Variants in CYP39A1 observed in about 807,000 individuals in gnomAD.
CYP39A1 encodes cytochrome P450 family 39 subfamily A member 1, also known as 24-hydroxycholesterol 7-alpha-hydroxylase.
In CYP39A1, 49 loss-of-function variants were observed where a neutral mutation model predicts 58.1. That is an observed-to-expected ratio of 0.84 (90% CI 0.67 to 1.07). The LOEUF (loss-of-function observed/expected upper bound fraction) is 1.07, where lower values mean the gene tolerates loss of function less well. CYP39A1 is among the 50% of genes least tolerant of loss of function. The pLI is 0.00. For synonymous variants in CYP39A1, 209 were observed against 187.6 expected (o/e 1.11, Z -0.93); for missense variants, 531 against 539.4 (o/e 0.98, Z 0.16).
At chr6:46,569,286 G>T (rs1281877782) in intron 10 of CYP39A1, among the ~76,000 whole-genome samples, 1 of 151,916 alleles carries the variant, frequency 6.6e-6, no homozygotes, top group East Asian at 1.9e-4. Context: ...TGGGGGCAGT[G>T]GATTGTACAT....
At chr6:46,594,475 G>C (rs1197580436) in intron 8 of CYP39A1, among the ~76,000 whole-genome samples, 1 of 151,962 alleles carries the variant, frequency 6.6e-6, no homozygotes, top group Non-Finnish European at 1.5e-5. Context: ...TAGATCAATA[G>C]AACAGAATAG....
chr6:46,617,544 G>A (rs1173563032), intron 7 of CYP39A1, among the ~76,000 whole-genome samples: 1 of 152,034 alleles, frequency 6.6e-6, no homozygotes. Context: ...GAAGCAACTT[G>A]GAACAGAATA....
At chr6:46,637,770 G>A in intron 4 of CYP39A1, 59 bp downstream of exon 4, 1 of 1,538,026 alleles carries the variant, frequency 6.5e-7, no homozygotes, top group Non-Finnish European at 8.8e-7. Flanking sequence ...AAAAATGAGA[G>A]GTGTTGAATT....
chr6:46,553,794 A>G lies in CYP39A1; in HGVS notation c.1311T>C (p.Cys437=), dbSNP rs771611635. 3.1e-6 allele frequency: 5 copies of G among 1,611,196 alleles called. No homozygotes were observed. The highest frequency in any genetic ancestry group is 4.2e-6 in the Non-Finnish European group (5 of 1,178,004). The change falls in exon 11 of 12, where the codon TGT becomes TGC. Residue 437 remains cysteine, a synonymous_variant. Transcript: ENST00000275016. ...CIILILYKYD[C]SLLDPLPKQS... is the part of the protein sequence containing the mutation. ...GTTTGGGTAATGGGTCCAGAAGACTACAGTCATATTTATAAAGTATTAAAA... is the reference window on the plus strand; with the variant it reads ...GTTTGGGTAATGGGTCCAGAAGACTGCAGTCATATTTATAAAGTATTAAAA...
In CYP39A1 at chr6:46,637,768, G is replaced by A. The variant is rs543927763; in HGVS notation, c.638+61C>T. 5 of 1,536,804 alleles carry A rather than the reference G, an allele frequency of 3.3e-6. No homozygotes were observed. In the South Asian group the frequency reaches 4.8e-5, roughly 15 times the overall value. ...ACATCTACTTAGAACAGAAAAATGA[G>A]AGGTGTTGAATTGCTGAGATAAGCT... On this transcript the variant is annotated intron_variant, in intron 4 of 11. Coordinates refer to ENST00000275016, the MANE Select transcript of CYP39A1 (RefSeq NM_016593.5).
At chr6:46,585,173 T>C (rs1012053364) in intron 10 of CYP39A1, among the ~76,000 whole-genome samples, 1 of 152,146 alleles carries the variant, frequency 6.6e-6, no homozygotes, top group African/African-American at 2.4e-5. Flanking sequence ...AAGGTAGTAA[T>C]AGCGCCTCTT....
At chr6:46,587,689 T>C (rs1021683543) in intron 9 of CYP39A1, among the ~76,000 whole-genome samples, 1 of 152,208 alleles carries the variant, frequency 6.6e-6, no homozygotes, top group Non-Finnish European at 1.5e-5. Flanking sequence ...TATTTGTATT[T>C]TTTTGTACTC....
intron 10 of CYP39A1, among the ~76,000 whole-genome samples, chr6:46,568,033 C>T (rs938633143): frequency 1.3e-5 from 2 of 151,678 alleles, no homozygotes; most frequent in Non-Finnish European, 2.9e-5. Context: ...TAGTGTTTTT[C>T]TCATGGCTTC....
Position 46,612,287 on chromosome 6 carries a change from G to T in CYP39A1, c.931+13131C>A, listed in dbSNP as rs60341352. ...TCCTGAGAAATCTCTCCTGGGCCAGGTATTAGACATGCAAGTCTCACCCTA... is the reference window on the plus strand; with the variant it reads ...TCCTGAGAAATCTCTCCTGGGCCAGTTATTAGACATGCAAGTCTCACCCTA... On this transcript the variant is annotated intron_variant, in intron 7 of 11. Coordinates refer to ENST00000275016, the MANE Select transcript of CYP39A1 (RefSeq NM_016593.5). 9.0e-3 allele frequency among the ~76,000 whole-genome samples: 1,371 copies of T among 152,250 alleles called. 29 individuals are homozygous for T. The highest frequency in any genetic ancestry group is 0.031 in the African/African-American group (1,290 of 41,542).
rs917373613 is a variant in CYP39A1 at position 46,601,782 on chromosome 6, A to G, written c.932-5662T>C. Among the ~76,000 whole-genome samples the G allele has an allele frequency of 1.2e-4, 18 of 151,434 alleles. 1 individual carries two copies. Among genetic ancestry groups the G allele is most frequent in the Admixed American group, 1.1e-3 (17 of 15,200 alleles). ...GTGATCCGCCCATCTCAGCCTCCCA[A>G]AGTGTTGGGATTACAGGCGTGAGCC... is the stretch of plus-strand genomic sequence containing the variant. On this transcript the variant is annotated intron_variant, in intron 7 of 11. Transcript: ENST00000275016.
chr6:46,616,217 TCCCTCCCTCCCTCCCTCCCTCCCTC>T (rs1561994345), intron 7 of CYP39A1, among the ~76,000 whole-genome samples: 1 of 17,122 alleles, frequency 5.8e-5, no homozygotes, highest in African/African-American at 2.6e-4. Context: ...CCTCCCTCCC[TCCCTCCCTCCCTCCCTCCCTCCCTC>T]CCTTCCTTCC....
chr6:46,619,762 G>A lies in CYP39A1; in HGVS notation c.931+5656C>T, dbSNP rs143010482. On this transcript the variant is annotated intron_variant, in intron 7 of 11. Transcript: ENST00000275016. ...CTTCAATTTTTATAAAAAGCACTTA[G>A]TTCATAAGTTTCTGCAAGAACATGG... is the stretch of plus-strand genomic sequence containing the variant. Among the ~76,000 whole-genome samples, 5 of 152,120 alleles carry A rather than the reference G, an allele frequency of 3.3e-5. No homozygotes were observed. In the East Asian group the frequency reaches 7.7e-4, roughly 24 times the overall value.
In CYP39A1 at chr6:46,596,039, A is replaced by G. The variant is rs1232206598; in HGVS notation, c.1013T>C (p.Leu338Ser). 5 of 1,612,210 alleles carry G rather than the reference A, an allele frequency of 3.1e-6. No homozygotes were observed. In the South Asian group the frequency reaches 3.3e-5, roughly 11 times the overall value. The change falls in exon 8 of 12, where the codon TTA becomes TCA. Residue 338 changes from leucine to serine, a missense_variant. By Grantham distance (145) the Leu-to-Ser change is moderately radical. Coordinates refer to ENST00000275016, the MANE Select transcript of CYP39A1 (RefSeq NM_016593.5). ...TCTAGTAATGACACCAGGAGCTTTT[A>G]AACGAATGGTTTCCAAAACACACCA... ...IKWCVLETIR[L>S]KAPGVITRKV...
At chr6:46,621,606 C>T (rs114055344) in intron 7 of CYP39A1, among the ~76,000 whole-genome samples, 15 of 152,076 alleles carry the variant, frequency 9.9e-5, no homozygotes, top group Middle Eastern at 6.8e-3. Context: ...AAGTATAAAA[C>T]TGACTCAAGA....
chr6:46,598,559 T>C (rs2150527962), intron 7 of CYP39A1, among the ~76,000 whole-genome samples: 1 of 152,334 alleles, frequency 6.6e-6, no homozygotes, highest in African/African-American at 2.4e-5. Context: ...CAACATTTTC[T>C]AAACTAATTC....
At chr6:46,639,753 C>T in intron 2 of CYP39A1, 85 bp from the exon 3 acceptor site, 1 of 1,161,672 alleles carries the variant, frequency 8.6e-7, no homozygotes, top group Non-Finnish European at 1.2e-6. Context: ...ATTTGGTCAG[C>T]AGGGACTACA....
intron 11 of CYP39A1, among the ~76,000 whole-genome samples, chr6:46,553,009 C>T (rs1055608513): frequency 1.4e-5 from 2 of 145,960 alleles, no homozygotes; most frequent in Non-Finnish European, 3.0e-5. Context: ...GATTGTGCCA[C>T]TGAACTCAGC....
intron 7 of CYP39A1, among the ~76,000 whole-genome samples, chr6:46,615,192 C>T (rs145372648): frequency 6.4e-4 from 97 of 151,586 alleles, no homozygotes; most frequent in African/African-American, 2.2e-3. Flanking sequence ...AAAATGGATA[C>T]GTATCAATAT....
At chr6:46,628,936 A>C (rs1030811440) in intron 6 of CYP39A1, among the ~76,000 whole-genome samples, 1 of 152,246 alleles carries the variant, frequency 6.6e-6, no homozygotes, top group Non-Finnish European at 1.5e-5. Context: ...GCTATTAGCC[A>C]CAATCTATTT....
Sources: allele counts gnomAD v4.1 joint callset (sites outside exome capture counted in the v4.1 genomes callset), GRCh38; gene constraint gnomAD v4.1.1; transcripts MANE v1.5; gene names NCBI Gene and HGNC (gene_info 2026-07-23, HGNC 2026-07-21).